Variants in SYK observed in about 807,000 individuals in gnomAD.
SYK encodes tyrosine-protein kinase SYK.
A neutral mutation model predicts 77.8 loss-of-function variants in SYK; 16 were observed. That is an observed-to-expected ratio of 0.21 (90% CI 0.14 to 0.31). SYK has a LOEUF of 0.31. Ranked by LOEUF, SYK falls within the 10% of genes least tolerant of loss-of-function variation. SYK has a pLI of 1.00. For missense variants in SYK, 529 were observed against 814.4 expected, an observed-to-expected ratio of 0.65 and a Z score of 4.26; for synonymous variants, 312 against 308.7, an observed-to-expected ratio of 1.01 and a Z score of -0.11.
At position 90,895,211 on chromosome 9, in the gene SYK, C is replaced by T. The variant is rs1056822932; in HGVS notation, c.1836-317C>T. ...TGGCACAGAAGCATATTGTGTGCCG[C>T]ATATCTGAACCTGGGGCTAAAACAC... On this transcript the variant is annotated intron_variant, in intron 13 of 13. Transcript: ENST00000375754. This position sits in a 1 kb window ranked among gnomAD's most constrained non-coding sequence, Gnocchi z 4.4. 6.6e-6 allele frequency among the ~76,000 whole-genome samples: 1 copy of T among 152,208 alleles called. No homozygotes were observed. The highest frequency in any genetic ancestry group is 2.4e-5 in the African/African-American group (1 of 41,456).
At chr9:90,860,862 G>C (rs1276651275) in intron 3 of SYK, among the ~76,000 whole-genome samples, 2 of 152,060 alleles carry the variant, frequency 1.3e-5, no homozygotes, top group Non-Finnish European at 2.9e-5. Context: ...TTGCAACCAG[G>C]AGGAGGCATC....
chr9:90,871,464 T>C (rs1203270650), intron 7 of SYK, among the ~76,000 whole-genome samples: 1 of 152,258 alleles, frequency 6.6e-6, no homozygotes, highest in South Asian at 2.1e-4. Flanking sequence ...ATAGTATTTT[T>C]ACAATTTATC....
At chr9:90,881,068 G>C (rs1176082799) in intron 11 of SYK, among the ~76,000 whole-genome samples, 1 of 152,180 alleles carries the variant, frequency 6.6e-6, no homozygotes. Flanking sequence ...ACTTCCACCT[G>C]ATCCTATTGG....
At chr9:90,854,188 G>C (rs1826931616) in intron 3 of SYK, among the ~76,000 whole-genome samples, 1 of 152,214 alleles carries the variant, frequency 6.6e-6, no homozygotes, top group African/African-American at 2.4e-5. Context: ...TTGGCACGTG[G>C]CTGCCCCAGG....
intron 11 of SYK, among the ~76,000 whole-genome samples, chr9:90,885,205 A>G (rs993283950): frequency 1.3e-5 from 2 of 152,084 alleles, no homozygotes; most frequent in Non-Finnish European, 2.9e-5. Context: ...AAAACCCCAG[A>G]TGAACAATTC....
At position 90,897,499 on chromosome 9, in the gene SYK, G is replaced by A. The variant is rs574978587; in HGVS notation, c.*1899G>A. 29 of 232,360 alleles carry A rather than the reference G, an allele frequency of 1.2e-4. 1 individual carries two copies. The highest frequency in any genetic ancestry group is 6.2e-4 in the African/African-American group (28 of 45,418). 14.4% of individuals were successfully genotyped at this position (232,360 alleles called of 1,614,324 possible). ...AAGTGGTGACTGCATCTGAGAAAGA[G>A]GCTGTGAGGCTGAACTCTTGGTGGC... On this transcript the variant is annotated 3_prime_UTR_variant, in exon 14 of 14. Transcript: ENST00000375754.
chr9:90,821,302 A>G (rs1348238447), intron 1 of SYK, among the ~76,000 whole-genome samples: 1 of 152,072 alleles, frequency 6.6e-6, no homozygotes, highest in Non-Finnish European at 1.5e-5. Flanking sequence ...TCTGGTACCA[A>G]TTTACTGTAT....
In SYK at chr9:90,867,289, G is replaced by C. The variant is rs562349762; in HGVS notation, c.915+90G>C. 26 of 1,315,578 alleles carry C rather than the reference G, an allele frequency of 2.0e-5. No homozygotes were observed. In the African/African-American group the frequency reaches 3.3e-4, roughly 17 times the overall value. The allele number at this position is 1,315,578 out of a possible 1,614,324, so 81.5% of individuals were successfully genotyped here. The stretch of plus-strand genomic sequence containing the variant: ...CCCGCCCAGTCTGCCCTGTGTGTGC[G>C]CTGCCCCCCATCTCTTGCCACTCTG... On this transcript the variant is annotated intron_variant, in intron 7 of 13. Coordinates refer to ENST00000375754, the MANE Select transcript of SYK (RefSeq NM_003177.7).
chr9:90,827,844 T>C (rs2118470901), intron 1 of SYK, among the ~76,000 whole-genome samples: 1 of 152,350 alleles, frequency 6.6e-6, no homozygotes, highest in East Asian at 1.9e-4. Flanking sequence ...GCTTTAAGCA[T>C]TGAGTATATT....
At chr9:90,853,440 T>A (rs1186160093) in intron 3 of SYK, among the ~76,000 whole-genome samples, 1 of 151,848 alleles carries the variant, frequency 6.6e-6, no homozygotes, top group East Asian at 1.9e-4. Context: ...ATTGCGGCAC[T>A]ATTCACAATA....
At chr9:90,858,744 G>A (rs1188836988) in intron 3 of SYK, among the ~76,000 whole-genome samples, 3 of 152,374 alleles carry the variant, frequency 2.0e-5, no homozygotes, top group East Asian at 3.9e-4. Flanking sequence ...TTAATGTCGC[G>A]AGCCTTCTGG....
chr9:90,870,584 T>C (rs1478697280), intron 7 of SYK, among the ~76,000 whole-genome samples: 1 of 152,198 alleles, frequency 6.6e-6, no homozygotes, highest in African/African-American at 2.4e-5. Context: ...CATATAATTA[T>C]AAAGGAACAG....
rs199646361 is a variant in SYK at position 90,844,168 on chromosome 9, C to A, written c.270C>A (p.His90Gln). 1 of 1,614,250 alleles carries A rather than the reference C, an allele frequency of 6.2e-7. No individual in the cohort carries two copies. Reference protein sequence around the residue: ...RTHASPADLCHYHSQESDGLV... With the variant: ...RTHASPADLCQYHSQESDGLV... The stretch of plus-strand genomic sequence containing the variant: ...ATGCCAGCCCCGCCGACCTCTGCCA[C>A]TACCACTCCCAGGAGTCTGATGGCC... The change falls in exon 2 of 14, where the codon CAC becomes CAA. Residue 90 changes from histidine to glutamine, a missense_variant. By Grantham distance (24) the His-to-Gln change is conservative. Transcript: ENST00000375754.
In SYK at chr9:90,843,893, T is replaced by G. The variant is rs1235687874; in HGVS notation, c.-6T>G. The G allele has an allele frequency of 1.3e-6, 2 of 1,520,084 alleles. No individual in the cohort carries two copies. Among genetic ancestry groups the G allele is most frequent in the South Asian group, 2.6e-5 (2 of 76,720 alleles). 94.2% of individuals were successfully genotyped at this position (1,520,084 alleles called of 1,614,324 possible). ...GCGCAGGTGTGTGCCCTCCGGCCCC[T>G]GAAGCATGGCCAGCAGCGGCATGGC... On this transcript the variant is annotated 5_prime_UTR_variant, in exon 2 of 14. Transcript: ENST00000375754.
rs1035107589 is a variant in SYK, at chr9:90,841,238, T to TTG, written c.-41-2611_-41-2610dup. 2.6e-5 allele frequency among the ~76,000 whole-genome samples: 4 copies of TTG among 151,108 alleles called. No homozygotes were observed. The East Asian group carries it at 7.8e-4, about 30-fold the overall frequency. On this transcript the variant is annotated intron_variant, in intron 1 of 13. Coordinates refer to ENST00000375754, the MANE Select transcript of SYK (RefSeq NM_003177.7). ...GTGTTGTGTGTCGTGTGTATGTAGT[T>TTG]TGTGTGTGTGGTGTGTTTGCAGTGT... is the stretch of plus-strand genomic sequence containing the variant.
chr9:90,839,853 C>T (rs745743291), intron 1 of SYK, among the ~76,000 whole-genome samples: 5 of 152,036 alleles, frequency 3.3e-5, no homozygotes, highest in Admixed American at 6.5e-5. Context: ...AAGAGCTGCA[C>T]GCCTCAGCAG....
intron 1 of SYK, among the ~76,000 whole-genome samples, chr9:90,838,810 G>C (rs1285416672): frequency 6.6e-6 from 1 of 152,240 alleles, no homozygotes; most frequent in African/African-American, 2.4e-5. Context: ...AAGAGAATTT[G>C]AGCCATGAGC....
chr9:90,823,367 A>C (rs1465136777), intron 1 of SYK, among the ~76,000 whole-genome samples: 1 of 152,240 alleles, frequency 6.6e-6, no homozygotes, highest in Non-Finnish European at 1.5e-5. Context: ...TAGGATAAAA[A>C]TGACCTAAGC....
At chr9:90,877,270 T>G (rs1329362340) in intron 9 of SYK, among the ~76,000 whole-genome samples, 4 of 152,224 alleles carry the variant, frequency 2.6e-5, no homozygotes, top group Non-Finnish European at 5.9e-5. Context: ...CTTGAACTTC[T>G]GACCTCAAGC....
Sources: allele counts gnomAD v4.1 joint callset (sites outside exome capture counted in the v4.1 genomes callset), GRCh38; gene constraint gnomAD v4.1.1; non-coding constraint Gnocchi (gnomAD v3.1); transcripts MANE v1.5; gene names NCBI Gene and HGNC (gene_info 2026-07-23, HGNC 2026-07-21).